The following PCCA variants were observed in gnomAD, a reference collection of about 807,000 sequenced individuals.
PCCA encodes the protein propionyl-CoA carboxylase subunit alpha.
Under a neutral mutation model 101.3 loss-of-function variants are expected in PCCA, and 74 were observed. The observed-to-expected ratio is 0.73, with a 90% CI of 0.61 to 0.89. PCCA has a LOEUF of 0.89. PCCA is among the 40% of genes least tolerant of loss of function. The probability of loss-of-function intolerance (pLI) is 0.00; values close to 1 mark genes in which losing one functional copy is unlikely to be tolerated. For synonymous variants in PCCA, 294 were observed against 313.6 expected (o/e 0.94, Z 0.66); for missense variants, 891 against 907.0 (o/e 0.98, Z 0.23).
intron 10 of PCCA, among the ~76,000 whole-genome samples, chr13:100,263,760 TATA>T (rs1226155601): frequency 6.6e-6 from 1 of 152,014 alleles, no homozygotes; most frequent in African/African-American, 2.4e-5. Context: ...ATATATCACA[TATA>T]ATATCTGTAT....
chr13:100,365,900 C>A (rs2075113873), intron 18 of PCCA, among the ~76,000 whole-genome samples: 1 of 152,200 alleles, frequency 6.6e-6, no homozygotes, highest in Non-Finnish European at 1.5e-5. Flanking sequence ...TCATCAAGGC[C>A]TGAGTTCAAA....
chr13:100,399,362 A>C (rs1279764333), intron 19 of PCCA, among the ~76,000 whole-genome samples: 1 of 152,214 alleles, frequency 6.6e-6, no homozygotes, highest in African/African-American at 2.4e-5. Context: ...GCTTAAAAAA[A>C]GTATTATTAT....
At chr13:100,491,756 A>G (rs909672748) in intron 21 of PCCA, 18 of 1,249,278 alleles carry the variant, frequency 1.4e-5, no homozygotes, top group Non-Finnish European at 1.9e-5. Flanking sequence ...CGGTTTGTAC[A>G]AGCTCTTTTG....
At chr13:100,326,056 A>G (rs2068641545) in intron 16 of PCCA, among the ~76,000 whole-genome samples, 1 of 152,186 alleles carries the variant, frequency 6.6e-6, no homozygotes, top group South Asian at 2.1e-4. Context: ...GAAAGATTAC[A>G]CCACTGAAGA....
chr13:100,263,308 T>C (rs1290772073), intron 10 of PCCA, among the ~76,000 whole-genome samples: 7 of 152,258 alleles, frequency 4.6e-5, no homozygotes, highest in Non-Finnish European at 1.0e-4. Context: ...AAGACAAGTC[T>C]GTTGAAGTTT....
intron 12 of PCCA, among the ~76,000 whole-genome samples, chr13:100,277,756 T>C (rs2063769030): frequency 6.6e-6 from 1 of 152,236 alleles, no homozygotes; most frequent in African/African-American, 2.4e-5. Flanking sequence ...ATCTGTATTC[T>C]GCAGTGTAAG....
At chr13:100,123,933 G>A (rs1025016145) in intron 4 of PCCA, among the ~76,000 whole-genome samples, 1 of 152,050 alleles carries the variant, frequency 6.6e-6, no homozygotes, top group Admixed American at 6.6e-5. Context: ...AGAAATATAA[G>A]GAATGAGAAA....
chr13:100,134,254 T>G (rs1331285096), intron 4 of PCCA, among the ~76,000 whole-genome samples: 2 of 152,224 alleles, frequency 1.3e-5, no homozygotes, highest in African/African-American at 4.8e-5. Context: ...GACTCTGTTC[T>G]TTTTCATTCA....
chr13:100,346,205 A>G (rs1449395671), intron 18 of PCCA, among the ~76,000 whole-genome samples: 2 of 152,228 alleles, frequency 1.3e-5, no homozygotes, highest in Non-Finnish European at 2.9e-5. Flanking sequence ...AGTGATTCCT[A>G]TGATGGATCT....
At chr13:100,182,528 C>T (rs762966471) in intron 6 of PCCA, among the ~76,000 whole-genome samples, 3 of 152,130 alleles carry the variant, frequency 2.0e-5, no homozygotes, top group African/African-American at 2.4e-5. Context: ...GTGCGTTATA[C>T]GTGGGTGCTT....
At chr13:100,364,824 G>T (rs1272596016) in intron 18 of PCCA, among the ~76,000 whole-genome samples, 2 of 152,146 alleles carry the variant, frequency 1.3e-5, no homozygotes, top group African/African-American at 4.8e-5. Context: ...GACAAAGCAG[G>T]AGGATCCCTT....
intron 21 of PCCA, among the ~76,000 whole-genome samples, chr13:100,453,793 C>T (rs761259341): frequency 9.9e-5 from 15 of 151,834 alleles, no homozygotes; most frequent in Non-Finnish European, 1.9e-4. Context: ...CACATGTACA[C>T]ACCCCTACTT....
intron 19 of PCCA, among the ~76,000 whole-genome samples, chr13:100,392,399 A>T (rs1437806424): frequency 1.3e-5 from 2 of 152,220 alleles, no homozygotes; most frequent in Admixed American, 6.5e-5. Context: ...AATTCAGTCA[A>T]TGTGTTTGCT....
At chr13:100,508,258 ATGAG>A (rs1566480585) in intron 21 of PCCA, among the ~76,000 whole-genome samples, 1 of 152,130 alleles carries the variant, frequency 6.6e-6, no homozygotes, top group Non-Finnish European at 1.5e-5. Context: ...TGTTTGAAAA[ATGAG>A]TTGCTGAATG....
At chr13:100,286,123 G>T (rs1445096283) in intron 12 of PCCA, among the ~76,000 whole-genome samples, 4 of 152,174 alleles carry the variant, frequency 2.6e-5, no homozygotes, top group Non-Finnish European at 4.4e-5. Context: ...TGCCTCATGG[G>T]GAAGTGGGGT....
At chr13:100,239,446 A>G (rs2060992567) in intron 8 of PCCA, among the ~76,000 whole-genome samples, 1 of 152,196 alleles carries the variant, frequency 6.6e-6, no homozygotes. Context: ...AAAGAAGCAG[A>G]CAGTCTCCTA....
At chr13:100,408,076 C>A (rs1308256087) in intron 19 of PCCA, among the ~76,000 whole-genome samples, 2 of 152,190 alleles carry the variant, frequency 1.3e-5, no homozygotes, top group African/African-American at 4.8e-5. Flanking sequence ...TTCTTGAACC[C>A]AGGAGGCAAA....
Position 100,306,199 on chromosome 13 carries a change from T to C in PCCA, c.1285-993T>C, listed in dbSNP as rs1305072678. Among the ~76,000 whole-genome samples the C allele has an allele frequency of 2.0e-5, 3 of 152,202 alleles. No individual in the cohort carries two copies. In the East Asian group the frequency reaches 5.8e-4, roughly 29 times the overall value. ...GCCTTGCTGCAGACAGATGAGCTGC[T>C]GTTTATTAGGAAGGCTTCTTCCCAC... On this transcript the variant is annotated intron_variant, in intron 14 of 23. Coordinates refer to ENST00000376285, the MANE Select transcript of PCCA (RefSeq NM_000282.4).
In PCCA at chr13:100,309,848, T is replaced by G. The variant is rs759024126; in HGVS notation, c.1369T>G (p.Ser457Ala). The G allele has an allele frequency of 1.2e-6, 2 of 1,612,440 alleles. No homozygotes were observed. Among genetic ancestry groups the G allele is most frequent in the South Asian group, 2.2e-5 (2 of 91,052 alleles). ...TTGTTTTTAGCTAATCACATATGGCTCTGATAGAACTGAGGCACTGAAGAG... is the reference window on the plus strand; with the variant it reads ...TTGTTTTTAGCTAATCACATATGGCGCTGATAGAACTGAGGCACTGAAGAG... Reference protein sequence around the residue: ...PMISKLITYGSDRTEALKRMA... With the variant: ...PMISKLITYGADRTEALKRMA... The change falls in exon 16 of 24, where the codon TCT becomes GCT. Residue 457 changes from serine to alanine, a missense_variant. Transcript: ENST00000376285.
Sources: gnomAD v4.1 joint callset for allele counts (sites outside exome capture counted in the v4.1 genomes callset) on GRCh38, gnomAD v4.1.1 for gene constraint, MANE v1.5 for transcripts, NCBI Gene and HGNC (gene_info 2026-07-23, HGNC 2026-07-21) for gene names.